The following CUL3 variants were observed in gnomAD, a reference collection of about 807,000 sequenced individuals.
CUL3 encodes the protein cullin 3.
CUL3 carries 19 observed loss-of-function variants against 89.1 expected under a neutral mutation model. The ratio of observed to expected loss-of-function variants is 0.21; its 90% confidence interval spans 0.15 to 0.31. The LOEUF is 0.31. CUL3 is among the 10% of genes least tolerant of loss of function. CUL3 has a pLI of 1.00. For synonymous variants in CUL3, 351 were observed against 308.4 expected (o/e 1.14, Z -1.45); for missense variants, 469 against 942.3 (o/e 0.50, Z 6.58).
In CUL3 at chr2:224,473,428, T is replaced by C. The variant is rs927731743; in HGVS notation, c.*817A>G. The C allele has an allele frequency of 5.3e-6, 1 of 188,774 alleles. No individual in the cohort carries two copies. Among genetic ancestry groups the C allele is most frequent in the African/African-American group, 2.3e-5 (1 of 42,822 alleles). 11.7% of individuals were successfully genotyped at this position (188,774 alleles called of 1,614,324 possible). On this transcript the variant is annotated 3_prime_UTR_variant, in exon 16 of 16. Transcript: ENST00000264414. ...GGGTATGTGTATACTAAATTCATTATTTTTGTCTACAATAAATGAAATAAA... is the reference window on the plus strand; with the variant it reads ...GGGTATGTGTATACTAAATTCATTACTTTTGTCTACAATAAATGAAATAAA...
At chr2:224,542,444 G>C (rs376170819) in intron 2 of CUL3, among the ~76,000 whole-genome samples, 1 of 152,202 alleles carries the variant, frequency 6.6e-6, no homozygotes, top group African/African-American at 2.4e-5. Flanking sequence ...TCCCACCTGA[G>C]CCTCCCAAGT....
Position 224,514,718 on chromosome 2 carries a change from T to C in CUL3, c.433A>G (p.Ile145Val), listed in dbSNP as rs1295218372. The change falls in exon 4 of 16, where the codon ATT (isoleucine) becomes GTT (valine). Residue 145 changes from isoleucine (I) to valine (V), a missense_variant. Coordinates refer to ENST00000264414, the MANE Select transcript of CUL3 (RefSeq NM_003590.5). ...NVENVYNLGL[I>V]IFRDQVVRYG... ...CGTACAACTTGATCTCGAAAAATAA[T>C]TAATCCCAAATTGTAGACGTTCTCC... is the stretch of plus-strand genomic sequence containing the variant. The C allele has an allele frequency of 1.2e-6, 2 of 1,613,312 alleles. No homozygotes were observed. The highest frequency in any genetic ancestry group is 1.7e-6 in the Non-Finnish European group (2 of 1,179,484).
chr2:224,503,504 G>C (rs1574635274), intron 9 of CUL3, 148 bp downstream of exon 9: 1 of 694,482 alleles, frequency 1.4e-6, no homozygotes, highest in East Asian at 2.9e-5. Context: ...TGTTAGTGTA[G>C]TCTGTGTTCT....
In CUL3 at chr2:224,516,650, G is replaced by GT. The variant is rs1227437293; in HGVS notation, c.379-1879dup. On this transcript the variant is annotated intron_variant, in intron 3 of 15. Transcript: ENST00000264414. Reference sequence around the variant, plus strand: ...CTTTTGATGGCTAACACTGTTTTTTGTTTTTTGTTTTTTTTGAGAGGAAGT... The same window carrying GT: ...CTTTTGATGGCTAACACTGTTTTTTGTTTTTTTGTTTTTTTTGAGAGGAAGT... 2.0e-5 allele frequency among the ~76,000 whole-genome samples: 3 copies of GT among 148,620 alleles called. No homozygotes were observed. The East Asian group carries it at 6.1e-4, about 30-fold the overall frequency.
At chr2:224,576,927 C>T (rs1171121800) in intron 1 of CUL3, among the ~76,000 whole-genome samples, 1 of 152,136 alleles carries the variant, frequency 6.6e-6, no homozygotes, top group African/African-American at 2.4e-5. Flanking sequence ...CTTTAAGTAT[C>T]CCAGTGGTAC....
chr2:224,552,919 A>T (rs1694569466), intron 2 of CUL3, among the ~76,000 whole-genome samples: 1 of 152,230 alleles, frequency 6.6e-6, no homozygotes, highest in Admixed American at 6.5e-5. Context: ...AGGTATTCTG[A>T]TACCACAGAA....
At chr2:224,576,851 A>C (rs1494108) in intron 1 of CUL3, among the ~76,000 whole-genome samples, 3 of 152,210 alleles carry the variant, frequency 2.0e-5, no homozygotes, top group Middle Eastern at 3.4e-3. Context: ...ACTTACTCTA[A>C]GGATTACATG....
At chr2:224,569,749 T>C (rs1249021659) in intron 1 of CUL3, 3 of 1,212,248 alleles carry the variant, frequency 2.5e-6, no homozygotes, top group African/African-American at 1.6e-5. Flanking sequence ...TAAAACTAAA[T>C]GAAAAGAAGT....
At chr2:224,508,137 T>C (rs1692674163) in intron 6 of CUL3, among the ~76,000 whole-genome samples, 1 of 151,134 alleles carries the variant, frequency 6.6e-6, no homozygotes, top group African/African-American at 2.4e-5. Context: ...ACAAAACTGG[T>C]AGTGCACCAG....
chr2:224,542,015 T>G (rs1694126622), intron 2 of CUL3, among the ~76,000 whole-genome samples: 2 of 152,202 alleles, frequency 1.3e-5, no homozygotes, highest in Non-Finnish European at 2.9e-5. Flanking sequence ...CAGAGATATA[T>G]GAAAATAAAG....
At chr2:224,474,857 A>G (rs1000639644) in intron 15 of CUL3, among the ~76,000 whole-genome samples, 5 of 152,154 alleles carry the variant, frequency 3.3e-5, no homozygotes, top group African/African-American at 1.2e-4. Flanking sequence ...AATAAAGAAT[A>G]ATGCTGCCCA....
At chr2:224,479,692 A>AAC (rs1256403420) in intron 14 of CUL3, 16 of 152,352 alleles carry the variant, frequency 1.1e-4, no homozygotes, top group African/African-American at 3.4e-4. Context: ...TGCTGTAGCA[A>AAC]ACACATACAC....
chr2:224,542,507 G>GTGTGTGTA (rs1252536397), intron 2 of CUL3, among the ~76,000 whole-genome samples: 1 of 150,728 alleles, frequency 6.6e-6, no homozygotes, highest in Non-Finnish European at 1.5e-5. Context: ...GTGTGTGTGT[G>GTGTGTGTA]TGTGTGTATG....
chr2:224,542,507 GTGTGTGTA>G (rs1252536397), intron 2 of CUL3, among the ~76,000 whole-genome samples: 47 of 150,840 alleles, frequency 3.1e-4, no homozygotes, highest in African/African-American at 1.1e-3. Context: ...GTGTGTGTGT[GTGTGTGTA>G]TGTGTGTGTG....
At chr2:224,579,348 T>C (rs1695383018) in intron 1 of CUL3, among the ~76,000 whole-genome samples, 1 of 152,194 alleles carries the variant, frequency 6.6e-6, no homozygotes. Flanking sequence ...TCTGCAAGAC[T>C]ACCATCCAGC....
chr2:224,544,498 A>C (rs1422685416), intron 2 of CUL3, among the ~76,000 whole-genome samples: 1 of 151,836 alleles, frequency 6.6e-6, no homozygotes, highest in East Asian at 1.9e-4. Context: ...ATGTTACAAA[A>C]ACATTCTTAC....
intron 2 of CUL3, among the ~76,000 whole-genome samples, chr2:224,540,271 T>C (rs151071661): frequency 2.7e-3 from 406 of 152,132 alleles, no homozygotes; most frequent in Non-Finnish European, 3.9e-3. Context: ...TTAGCCAGGC[T>C]GGTCCTGAAC....
chr2:224,501,130 T>C (rs1475363217), intron 10 of CUL3, among the ~76,000 whole-genome samples: 8 of 152,354 alleles, frequency 5.3e-5, no homozygotes, highest in African/African-American at 1.4e-4. Flanking sequence ...GGGTCAATTA[T>C]ATCATTTTAG....
At chr2:224,537,914 G>A (rs957133153) in intron 2 of CUL3, among the ~76,000 whole-genome samples, 1 of 152,096 alleles carries the variant, frequency 6.6e-6, no homozygotes, top group Non-Finnish European at 1.5e-5. Flanking sequence ...AATAAGGCAT[G>A]TTCTTTCAAA....
Sources: allele counts gnomAD v4.1 joint callset (sites outside exome capture counted in the v4.1 genomes callset), GRCh38; gene constraint gnomAD v4.1.1; transcripts MANE v1.5; gene names NCBI Gene and HGNC (gene_info 2026-07-23, HGNC 2026-07-21).